Variants in UNC79 observed in about 807,000 individuals in gnomAD.
UNC79 encodes the protein protein unc-79 homolog.
In UNC79, 37 loss-of-function variants were observed where a neutral mutation model predicts 283.1. The ratio of observed to expected loss-of-function variants is 0.13; its 90% CI spans 0.10 to 0.17. UNC79 has a LOEUF of 0.17. Ranked by LOEUF, UNC79 falls within the 10% of genes least tolerant of loss-of-function variation. The pLI is 1.00. For synonymous variants in UNC79, 1,107 were observed against 1,200.2 expected (o/e 0.92, Z 1.61); for missense variants, 2,272 against 3,211.1 (o/e 0.71, Z 7.07).
chr14:93,706,671 A>C (rs765270790), intron 48 of UNC79, 33 bp from the exon 52 acceptor site: 5 of 1,611,820 alleles, frequency 3.1e-6, no homozygotes, highest in Non-Finnish European at 4.2e-6. Context: ...CGTGAAAAGA[A>C]ATAAACTAAA....
chr14:93,541,629 A>G (rs973895807), intron 13 of UNC79, among the ~76,000 whole-genome samples: 1 of 152,130 alleles, frequency 6.6e-6, no homozygotes, highest in Non-Finnish European at 1.5e-5. Context: ...ACAATGTTTT[A>G]TTTATTTTTT....
At chr14:93,366,214 G>A (rs2054328552) in intron 1 of UNC79, among the ~76,000 whole-genome samples, 1 of 152,216 alleles carries the variant, frequency 6.6e-6, no homozygotes. Flanking sequence ...CAGGTGGATT[G>A]TGGGTTGTAG....
At chr14:93,350,210 T>G (rs2139910417) in intron 1 of UNC79, among the ~76,000 whole-genome samples, 1 of 152,176 alleles carries the variant, frequency 6.6e-6, no homozygotes, top group East Asian at 1.9e-4. Context: ...TATATAATTC[T>G]TATATAATTC....
At chr14:93,381,851 G>A (rs928608198) in intron 1 of UNC79, among the ~76,000 whole-genome samples, 5 of 152,202 alleles carry the variant, frequency 3.3e-5, no homozygotes, top group African/African-American at 1.2e-4. Context: ...TTACAAAAGA[G>A]TATGAGTCAA....
chr14:93,689,708 C>G (rs551036473), intron 44 of UNC79: 1 of 161,956 alleles, frequency 6.2e-6, no homozygotes, highest in Non-Finnish European at 1.3e-5. Context: ...AGGCTGATCT[C>G]GAACTCGTGA....
At chr14:93,423,491 G>A (rs981052420) in intron 1 of UNC79, among the ~76,000 whole-genome samples, 9 of 152,134 alleles carry the variant, frequency 5.9e-5, no homozygotes, top group African/African-American at 2.2e-4. Context: ...AACCAAAATG[G>A]CATGGTACTG....
chr14:93,678,814 T>A (rs754625130), intron 41 of UNC79, among the ~76,000 whole-genome samples: 1 of 152,222 alleles, frequency 6.6e-6, no homozygotes, highest in Non-Finnish European at 1.5e-5. Context: ...CCTTAAATGT[T>A]CAGGTGGATT....
At chr14:93,541,256 G>C (rs545179811) in intron 13 of UNC79, among the ~76,000 whole-genome samples, 1 of 152,308 alleles carries the variant, frequency 6.6e-6, no homozygotes, top group East Asian at 1.9e-4. Flanking sequence ...TCTCTGTGGA[G>C]CTTTTTGTGT....
chr14:93,478,268 T>C lies in UNC79; in HGVS notation c.619+540T>C, dbSNP rs534941302. ...AGTGACTCGAAATTTATGAAAGCAC[T>C]GAAAAAAGCTAAAGCTTCCAAGTCA... On this transcript the variant is annotated intron_variant, in intron 4 of 48. Transcript: ENST00000555664. 1.2e-4 allele frequency among the ~76,000 whole-genome samples: 18 copies of C among 152,284 alleles called. No homozygotes were observed. The South Asian group carries it at 3.5e-3, about 30-fold the overall frequency.
chr14:93,476,746 A>C (rs2057821016), intron 3 of UNC79, among the ~76,000 whole-genome samples: 1 of 152,224 alleles, frequency 6.6e-6, no homozygotes, highest in African/African-American at 2.4e-5. Context: ...ATGTACATTT[A>C]GTGTAATGGG....
At chr14:93,603,508 C>T in intron 26 of UNC79, 90 bp downstream of exon 26, 1 of 1,420,972 alleles carries the variant, frequency 7.0e-7, no homozygotes, top group Non-Finnish European at 9.5e-7. Context: ...GAGAGTATAG[C>T]ATGTTTAGCA....
chr14:93,600,638 C>A (rs771419161), exon 25 of UNC79: 1 of 1,613,720 alleles, frequency 6.2e-7, no homozygotes, highest in Non-Finnish European at 8.5e-7. Flanking sequence ...TTTGAGCAAG[C>A]TTTTACTCTT....
At chr14:93,577,135 G>A (rs1025391486) in intron 17 of UNC79, among the ~76,000 whole-genome samples, 7 of 152,190 alleles carry the variant, frequency 4.6e-5, no homozygotes, top group African/African-American at 1.7e-4. Flanking sequence ...GAGAGGTCAA[G>A]CCTGCAGAGA....
intron 11 of UNC79, among the ~76,000 whole-genome samples, chr14:93,534,792 TA>T (rs1244901600): frequency 6.6e-6 from 1 of 152,198 alleles, no homozygotes; most frequent in East Asian, 1.9e-4. Flanking sequence ...ACACCCAGGG[TA>T]GATCATTTTT....
At chr14:93,697,800 T>A (rs1312405105) in intron 47 of UNC79, among the ~76,000 whole-genome samples, 1 of 152,216 alleles carries the variant, frequency 6.6e-6, no homozygotes, top group Non-Finnish European at 1.5e-5. Context: ...AGCACATGCC[T>A]GTAGTTCTAG....
chr14:93,599,443 A>G (rs2065334853), intron 24 of UNC79, among the ~76,000 whole-genome samples: 1 of 152,112 alleles, frequency 6.6e-6, no homozygotes, highest in Non-Finnish European at 1.5e-5. Flanking sequence ...TTTTAAGACC[A>G]AGAAGCAAGG....
chr14:93,677,064 T>C (rs2073404633), intron 41 of UNC79, among the ~76,000 whole-genome samples: 1 of 152,210 alleles, frequency 6.6e-6, no homozygotes, highest in Non-Finnish European at 1.5e-5. Context: ...GCGTGGTTTG[T>C]TCCTGGGTTT....
chr14:93,636,847 A>G (rs2068549623), intron 31 of UNC79, among the ~76,000 whole-genome samples: 1 of 152,070 alleles, frequency 6.6e-6, no homozygotes, highest in Non-Finnish European at 1.5e-5. Context: ...CCAAATGATC[A>G]CTTATGTACT....
chr14:93,341,940 C>T (rs1241109026), intron 1 of UNC79, among the ~76,000 whole-genome samples: 2 of 152,170 alleles, frequency 1.3e-5, no homozygotes, highest in African/African-American at 4.8e-5. Flanking sequence ...CTGCAGGATA[C>T]AGGCCCCGTG....
Sources: allele counts gnomAD v4.1 joint callset (sites outside exome capture counted in the v4.1 genomes callset), GRCh38; gene constraint gnomAD v4.1.1; transcripts MANE v1.5; gene names NCBI Gene and HGNC (gene_info 2026-07-23, HGNC 2026-07-21).